UNC5D: variants seen among roughly 807,000 people sequenced by gnomAD.
UNC5D encodes the protein unc-5 netrin receptor D, also known as netrin receptor UNC5D.
UNC5D carries 39 observed loss-of-function variants against 105.4 expected under a neutral mutation model. That is an observed-to-expected ratio of 0.37 (90% confidence interval 0.29 to 0.48). The LOEUF is 0.48. UNC5D is among the 20% of genes least tolerant of loss of function. UNC5D has a pLI of 0.98. For synonymous variants in UNC5D, 452 were observed against 450.4 expected, an observed-to-expected ratio of 1.00 and a Z score of -0.04; for missense variants, 991 against 1,202.4, an observed-to-expected ratio of 0.82 and a Z score of 2.60.
At chr8:35,457,610 A>G (rs10093227) in intron 1 of UNC5D, among the ~76,000 whole-genome samples, 34,594 of 152,046 alleles carry the variant, frequency 0.23, 6,003 homozygotes, top group African/African-American at 0.49. Context: ...CTGGAGGCAG[A>G]AATATGGAGA....
chr8:35,609,505 G>A (rs1164409098), intron 4 of UNC5D, among the ~76,000 whole-genome samples: 2 of 152,190 alleles, frequency 1.3e-5, no homozygotes, highest in Non-Finnish European at 2.9e-5. Context: ...ACGTGAAAAT[G>A]TTCATACCCT....
At chr8:35,430,159 T>A (rs1224709132) in intron 1 of UNC5D, among the ~76,000 whole-genome samples, 1 of 152,118 alleles carries the variant, frequency 6.6e-6, no homozygotes, top group East Asian at 1.9e-4. Flanking sequence ...TTCAGCCTGC[T>A]CAACCTCCAA....
rs1407827831 is a variant in UNC5D at position 35,323,440 on chromosome 8, C to G, written c.103+87553C>G. The stretch of plus-strand genomic sequence containing the variant: ...CGTACCATTTTTAATGAGTTGCAAA[C>G]TGCCTGGCTGCCCCAACCCCCTTTA... On this transcript the variant is annotated intron_variant, in intron 1 of 16. Coordinates refer to ENST00000404895, the MANE Select transcript of UNC5D (RefSeq NM_080872.4). Among the ~76,000 whole-genome samples the G allele has an allele frequency of 2.0e-5, 3 of 152,058 alleles. No individual in the cohort carries two copies. In the South Asian group the frequency reaches 6.2e-4, roughly 32 times the overall value.
chr8:35,759,352 A>T lies in UNC5D; in HGVS notation c.2196A>T (p.Gly732=). The change falls in exon 14 of 17, where the codon GGA becomes GGT. Residue 732 remains glycine, a synonymous_variant. Coordinates refer to ENST00000404895, the MANE Select transcript of UNC5D (RefSeq NM_080872.4). The part of the protein sequence containing the change: ...EVVSDERHQG[G]QLLEEPKLLH... ...TTTCAGATGAAAGGCATCAAGGTGGACAGCTCCTGGAAGAACCAAAATTGC... is the reference window on the plus strand; with the variant it reads ...TTTCAGATGAAAGGCATCAAGGTGGTCAGCTCCTGGAAGAACCAAAATTGC... 1 of 1,613,770 alleles carries T rather than the reference A, an allele frequency of 6.2e-7. No individual in the cohort carries two copies. The highest frequency in any genetic ancestry group is 8.5e-7 in the Non-Finnish European group (1 of 1,179,872).
At chr8:35,411,551 T>C (rs1421349512) in intron 1 of UNC5D, among the ~76,000 whole-genome samples, 1 of 152,040 alleles carries the variant, frequency 6.6e-6, no homozygotes, top group East Asian at 1.9e-4. Context: ...TTTTCATGAA[T>C]TGAATGAAAG....
intron 4 of UNC5D, among the ~76,000 whole-genome samples, chr8:35,603,326 G>T (rs1041271250): frequency 6.6e-6 from 1 of 152,138 alleles, no homozygotes; most frequent in Non-Finnish European, 1.5e-5. Context: ...GGAGCAGGTT[G>T]TTCAGTTTCC....
chr8:35,716,645 G>A (rs992496015), intron 8 of UNC5D, among the ~76,000 whole-genome samples: 2 of 152,150 alleles, frequency 1.3e-5, no homozygotes, highest in Admixed American at 1.3e-4. Flanking sequence ...TGCTTTTTAA[G>A]ATATAGCTAC....
chr8:35,607,202 G>A (rs1820350207), intron 4 of UNC5D, among the ~76,000 whole-genome samples: 1 of 152,156 alleles, frequency 6.6e-6, no homozygotes, highest in African/African-American at 2.4e-5. Flanking sequence ...TGGAACGAGG[G>A]AACAAAATAT....
intron 1 of UNC5D, among the ~76,000 whole-genome samples, chr8:35,448,057 A>G (rs1360792357): frequency 2.0e-5 from 3 of 152,108 alleles, no homozygotes; most frequent in Non-Finnish European, 4.4e-5. Flanking sequence ...TCTGTTGCAG[A>G]ATTTTCTAGC....
chr8:35,509,891 A>C (rs1812584724), intron 1 of UNC5D, among the ~76,000 whole-genome samples: 1 of 152,126 alleles, frequency 6.6e-6, no homozygotes, highest in Non-Finnish European at 1.5e-5. Flanking sequence ...GCTAGGATGA[A>C]TCACAGAGCT....
At position 35,549,403 on chromosome 8, in the gene UNC5D, C is replaced by T. The variant is rs1354912129; in HGVS notation, c.215C>T (p.Ala72Val). 1 of 1,613,456 alleles carries T rather than the reference C, an allele frequency of 6.2e-7. No homozygotes were observed. Among genetic ancestry groups the T allele is most frequent in the Non-Finnish European group, 8.5e-7 (1 of 1,180,030 alleles). The change falls in exon 2 of 17, where the codon GCA becomes GTA. Residue 72 changes from alanine (A) to valine (V), a missense_variant. This residue lies in a region of UNC5D where 944 missense variants were observed against 1,131.6 expected (regional missense o/e 0.83). Coordinates refer to ENST00000404895, the MANE Select transcript of UNC5D (RefSeq NM_080872.4). ...DAYIIKSNPI[A>V]LRCKARPAMQ... ...TATATTATCAAGAGCAACCCTATTGCACTCAGGTGCAAAGCGAGGCCAGCC... is the reference window on the plus strand; with the variant it reads ...TATATTATCAAGAGCAACCCTATTGTACTCAGGTGCAAAGCGAGGCCAGCC...
At chr8:35,634,373 G>T (rs540450014) in intron 4 of UNC5D, among the ~76,000 whole-genome samples, 17 of 152,312 alleles carry the variant, frequency 1.1e-4, no homozygotes, top group African/African-American at 4.1e-4. Flanking sequence ...GCACAAAGGA[G>T]TAGCAAAGGT....
At chr8:35,563,952 G>C (rs1192949835) in intron 2 of UNC5D, among the ~76,000 whole-genome samples, 4 of 152,064 alleles carry the variant, frequency 2.6e-5, no homozygotes, top group Non-Finnish European at 4.4e-5. Context: ...TCACCTCTCT[G>C]AGATCAATCC....
intron 1 of UNC5D, among the ~76,000 whole-genome samples, chr8:35,465,476 C>T (rs1809234548): frequency 6.6e-6 from 1 of 151,180 alleles, no homozygotes; most frequent in African/African-American, 2.5e-5. Flanking sequence ...CCCCTGCACT[C>T]CAGCCTGGGC....
Position 35,512,569 on chromosome 8 carries a change from A to ATATATATATATATCTC in UNC5D, c.104-36722_104-36721insATATATATATATCTCT, listed in dbSNP as rs539399345. 5.2e-4 allele frequency among the ~76,000 whole-genome samples: 34 copies of ATATATATATATATCTC among 64,824 alleles called. 1 individual carries two copies. The highest frequency in any genetic ancestry group is 1.3e-3 in the East Asian group (3 of 2,256). 42.5% of individuals were successfully genotyped at this position (64,824 alleles called of 152,430 possible). A position where few individuals can be genotyped will look rare whatever the true frequency, so the allele number is the denominator to read the frequency against. On this transcript the variant is annotated intron_variant, in intron 1 of 16. Coordinates refer to ENST00000404895, the MANE Select transcript of UNC5D (RefSeq NM_080872.4). ...TATATATATATATATATATATATAT[A>ATATATATATATATCTC]TCTGAATAGATTACTAAATGGAGAT...
intron 1 of UNC5D, among the ~76,000 whole-genome samples, chr8:35,375,484 T>C (rs973384264): frequency 2.0e-5 from 3 of 152,182 alleles, no homozygotes. Flanking sequence ...AAAGACAACA[T>C]GCACACAAAA....
At chr8:35,585,314 A>G (rs747057274) in intron 3 of UNC5D, among the ~76,000 whole-genome samples, 1 of 152,200 alleles carries the variant, frequency 6.6e-6, no homozygotes, top group African/African-American at 2.4e-5. Flanking sequence ...GCATCAGCCA[A>G]ACACCCTGCT....
intron 1 of UNC5D, among the ~76,000 whole-genome samples, chr8:35,385,438 G>GTCTTCAC: frequency 7.0e-6 from 1 of 142,696 alleles, no homozygotes. Flanking sequence ...CTGTTGCTTT[G>GTCTTCAC]TCTTCACATC....
chr8:35,303,460 G>A (rs1183521650), intron 1 of UNC5D, among the ~76,000 whole-genome samples: 3 of 152,168 alleles, frequency 2.0e-5, no homozygotes, highest in African/African-American at 7.2e-5. Context: ...TGGCTAAACA[G>A]TGTAGGTTTA....
Sources: gnomAD v4.1 joint callset for allele counts (sites outside exome capture counted in the v4.1 genomes callset) on GRCh38, gnomAD v4.1.1 for gene constraint, gnomAD v4.1.1 regional missense constraint, MANE v1.5 for transcripts, NCBI Gene and HGNC (gene_info 2026-07-23, HGNC 2026-07-21) for gene names.